The following BTN2A1 variants were observed in gnomAD, a reference collection of about 807,000 sequenced individuals.
BTN2A1 encodes butyrophilin subfamily 2 member A1.
Under a neutral mutation model 34.5 loss-of-function variants are expected in BTN2A1, and 41 were observed. That is an observed-to-expected ratio of 1.19 (90% CI 0.93 to 1.54). The LOEUF (loss-of-function observed/expected upper bound fraction) is 1.54, where lower values mean the gene tolerates loss of function less well. Among genes scored for constraint, BTN2A1 ranks in the 40% most tolerant of loss-of-function variants. BTN2A1 has a pLI of 0.00. For synonymous variants in BTN2A1, 267 were observed against 258.6 expected, an observed-to-expected ratio of 1.03 and a Z score of -0.31; for missense variants, 642 against 662.0, an observed-to-expected ratio of 0.97 and a Z score of 0.33.
At chr6:26,465,503 C>A in intron 5 of BTN2A1, 97 bp downstream of exon 5, 2 of 1,146,636 alleles carry the variant, frequency 1.7e-6, no homozygotes, top group Non-Finnish European at 2.5e-6. Context: ...TCGAGACCAG[C>A]CTGGGCGATA....
rs750733328 is a variant in BTN2A1, at chr6:26,463,455, G to A, written c.642G>A (p.Val214=). 10 of 1,614,062 alleles carry A rather than the reference G, an allele frequency of 6.2e-6. No homozygotes were observed. The highest frequency in any genetic ancestry group is 1.7e-6 in the Non-Finnish European group (2 of 1,180,038). ...CTGTGATCATCAGAGACAAGTCTGTGAGGAACATGTCCTGCTCTATCAACA... is the reference window on the plus strand; with the variant it reads ...CTGTGATCATCAGAGACAAGTCTGTAAGGAACATGTCCTGCTCTATCAACA... ...TTAVIIRDKS[V]RNMSCSINNT... The change falls in exon 4 of 8, where the codon GTG becomes GTA. Residue 214 remains valine (V), a synonymous_variant. Transcript: ENST00000312541.
At chr6:26,463,006 A>G in intron 3 of BTN2A1, 1 of 972,972 alleles carries the variant, frequency 1.0e-6, no homozygotes, top group South Asian at 1.7e-5. Flanking sequence ...AAAGGGTGCA[A>G]TGGGATCCTT....
chr6:26,459,733 T>C lies in BTN2A1; in HGVS notation c.335T>C (p.Ile112Thr), dbSNP rs200535507. Residue 112 changes from isoleucine (I) to threonine (T), a missense_variant, in exon 3 of 8, where the codon ATA (isoleucine) becomes ACA (threonine). Ile to Thr is a moderately conservative substitution (Grantham distance 89, BLOSUM62 -1). Coordinates refer to ENST00000312541, the MANE Select transcript of BTN2A1 (RefSeq NM_007049.5). ...DISRGSVALV[I>T]HNITAQENGT... is the part of the protein sequence containing the mutation. The stretch of plus-strand genomic sequence containing the variant: ...AGCAGGGGCAGCGTGGCCCTGGTCA[T>C]ACACAACATCACAGCCCAGGAAAAC... 84 of 1,614,124 alleles carry C rather than the reference T, an allele frequency of 5.2e-5. No homozygotes were observed. In the East Asian group the frequency reaches 1.5e-3, roughly 29 times the overall value.
chr6:26,468,519 T>G lies in BTN2A1; in HGVS notation c.1554T>G (p.Leu518=), dbSNP rs1763385769. ...CGGTGCCTGAAGAGGGCCTGACACT[T>G]CACAGAGTGGGGACCCACCAGAGCC... ...GVTVPEEGLT[L]HRVGTHQSL is the part of the protein sequence containing the mutation. Residue 518 remains leucine (L), a synonymous_variant, in exon 8 of 8, where the codon CTT becomes CTG. Transcript: ENST00000312541. 1 of 1,614,126 alleles carries G rather than the reference T, an allele frequency of 6.2e-7. No homozygotes were observed. Among genetic ancestry groups the G allele is most frequent in the Non-Finnish European group, 8.5e-7 (1 of 1,180,022 alleles).
At chr6:26,467,718 G>C in intron 7 of BTN2A1, 1 of 1,590,980 alleles carries the variant, frequency 6.3e-7, no homozygotes. Context: ...GGATTTCTTA[G>C]AGCTCCAATT....
At chr6:26,476,164 G>T (rs2113874003) in exon 8 of BTN2A1, 1 of 1,536,562 alleles carries the variant, frequency 6.5e-7, no homozygotes, top group Non-Finnish European at 8.7e-7. Context: ...AACTTAGGGT[G>T]GTGAGTGGGT....
At chr6:26,467,078 T>G (rs1489669200) in intron 7 of BTN2A1, among the ~76,000 whole-genome samples, 1 of 152,174 alleles carries the variant, frequency 6.6e-6, no homozygotes, top group Non-Finnish European at 1.5e-5. Context: ...CTTCTTCATT[T>G]TTTGAAGGGT....
chr6:26,476,417 C>T (rs987381811), exon 8 of BTN2A1: 4 of 696,746 alleles, frequency 5.7e-6, no homozygotes, highest in Non-Finnish European at 8.1e-6. Context: ...GATGTCTGCT[C>T]ACCCTCATTC....
intron 2 of BTN2A1, 24 bp from the exon 3 acceptor site, chr6:26,459,456 CT>C: frequency 6.2e-7 from 1 of 1,604,424 alleles, no homozygotes; most frequent in Non-Finnish European, 8.5e-7. Flanking sequence ...GTGTCTTTGT[CT>C]GACTCTACCC....
Position 26,458,609 on chromosome 6 carries a change from C to T in BTN2A1, c.-28C>T, listed in dbSNP as rs753622901. On this transcript the variant is annotated splice_region_variant and 5_prime_UTR_variant, in exon 2 of 8. Coordinates refer to ENST00000312541, the MANE Select transcript of BTN2A1 (RefSeq NM_007049.5). ...CTGATTCTCCTCTGTAACCCTAGGC[C>T]TCCTGTCCCTGCCTGCTCTGGGTGC... 1 of 1,613,532 alleles carries T rather than the reference C, an allele frequency of 6.2e-7. No individual in the cohort carries two copies. Among genetic ancestry groups the T allele is most frequent in the Admixed American group, 1.7e-5 (1 of 60,018 alleles).
chr6:26,462,539 C>T (rs1275648342), intron 3 of BTN2A1, among the ~76,000 whole-genome samples: 2 of 152,114 alleles, frequency 1.3e-5, no homozygotes, highest in East Asian at 1.9e-4. Flanking sequence ...GAGCTAAAAC[C>T]CTGTCCCTAA....
At chr6:26,461,243 C>G (rs1422597146) in intron 3 of BTN2A1, among the ~76,000 whole-genome samples, 1 of 152,238 alleles carries the variant, frequency 6.6e-6, no homozygotes, top group African/African-American at 2.4e-5. Flanking sequence ...ATAAAACTGA[C>G]AGTGGCCTGG....
chr6:26,459,548 C>T lies in BTN2A1; in HGVS notation c.150C>T (p.Arg50=). 6.2e-7 allele frequency: 1 copy of T among 1,614,054 alleles called. No individual in the cohort carries two copies. The highest frequency in any genetic ancestry group is 1.1e-5 in the South Asian group (1 of 91,084). The change falls in exon 3 of 8, where the codon CGC becomes CGT. Residue 50 remains arginine, a synonymous_variant. Coordinates refer to ENST00000312541, the MANE Select transcript of BTN2A1 (RefSeq NM_007049.5). ...CGGTTGGAGAAAACACTACGTTACG[C>T]TGCCATCTGTCACCCGAGAAAAATG... is the stretch of plus-strand genomic sequence containing the variant. ...LATVGENTTL[R]CHLSPEKNAE...
chr6:26,468,934 C>G lies in BTN2A1; in HGVS notation c.*385C>G, dbSNP rs1763400019. ...GACTTGGAATGAGGCCTACAGGGTT[C>G]ACCAGGATGTAAGAGGAGAGAGGAA... On this transcript the variant is annotated 3_prime_UTR_variant, in exon 8 of 8. Coordinates refer to ENST00000312541, the MANE Select transcript of BTN2A1 (RefSeq NM_007049.5). 8.1e-7 allele frequency: 1 copy of G among 1,241,414 alleles called. No individual in the cohort carries two copies. Among genetic ancestry groups the G allele is most frequent in the Non-Finnish European group, 1.0e-6 (1 of 973,400 alleles). 76.9% of individuals were successfully genotyped at this position (1,241,414 alleles called of 1,614,324 possible). A position where few individuals can be genotyped will look rare whatever the true frequency, so the allele number is the denominator to read the frequency against.
chr6:26,459,497 G>A lies in BTN2A1; in HGVS notation c.99G>A (p.Val33=), dbSNP rs370815410. Reference sequence around the variant, plus strand: ...GTTGAACAGCCCAGTTTATTGTCGTGGGGCCCACTGATCCCATCTTGGCCA... The same window carrying A: ...GTTGAACAGCCCAGTTTATTGTCGTAGGGCCCACTGATCCCATCTTGGCCA... ...CALVSAQFIV[V]GPTDPILATV... Residue 33 remains valine (V), a synonymous_variant, in exon 3 of 8, where the codon GTG becomes GTA. Transcript: ENST00000312541. 45 of 1,613,706 alleles carry A rather than the reference G, an allele frequency of 2.8e-5. No homozygotes were observed. Among genetic ancestry groups the A allele is most frequent in the Non-Finnish European group, 3.8e-5 (45 of 1,179,808 alleles).
chr6:26,466,218 A>G, intron 7 of BTN2A1, 130 bp downstream of exon 7: 1 of 1,365,708 alleles, frequency 7.3e-7, no homozygotes, highest in South Asian at 1.2e-5. Context: ...TCAGTTCATC[A>G]ACAGTGTCCC....
At chr6:26,459,033 A>G (rs1045413006) in intron 2 of BTN2A1, among the ~76,000 whole-genome samples, 1 of 152,234 alleles carries the variant, frequency 6.6e-6, no homozygotes, top group African/African-American at 2.4e-5. Context: ...TTAAATACTT[A>G]GTTAATATAC....
chr6:26,468,552 T>A lies in BTN2A1; in HGVS notation c.*3T>A, dbSNP rs757615588. On this transcript the variant is annotated 3_prime_UTR_variant, in exon 8 of 8. Coordinates refer to ENST00000312541, the MANE Select transcript of BTN2A1 (RefSeq NM_007049.5). ...TGGGGACCCACCAGAGCCTATAGAA[T>A]CAATTCCTTGGTCTCACAGCCATGT... 3 of 1,613,946 alleles carry A rather than the reference T, an allele frequency of 1.9e-6. No individual in the cohort carries two copies. The African/African-American group carries it at 4.0e-5, about 22-fold the overall frequency.
rs565298177 is a variant in BTN2A1, at chr6:26,463,127, G to A, written c.431-117G>A. The A allele has an allele frequency of 1.3e-4, 169 of 1,258,498 alleles. 4 individuals carry two copies. The South Asian group carries it at 2.2e-3, about 16-fold the overall frequency. 78.0% of individuals were successfully genotyped at this position (1,258,498 alleles called of 1,614,324 possible). On this transcript the variant is annotated intron_variant, in intron 3 of 7. Coordinates refer to ENST00000312541, the MANE Select transcript of BTN2A1 (RefSeq NM_007049.5). ...CTTTTTTTCTTCCTTCCTATTTCTT[G>A]TTTCCTATCTCCCTCTTTTTTACCT... is the stretch of plus-strand genomic sequence containing the variant.
Sources: gnomAD v4.1 joint callset for allele counts (sites outside exome capture counted in the v4.1 genomes callset) on GRCh38, gnomAD v4.1.1 for gene constraint, MANE v1.5 for transcripts, NCBI Gene and HGNC (gene_info 2026-07-23, HGNC 2026-07-21) for gene names.